MAK: variants seen among roughly 807,000 people sequenced by gnomAD.
MAK encodes male germ cell associated kinase, also known as serine/threonine-protein kinase MAK.
In MAK, 65 loss-of-function variants were observed where a neutral mutation model predicts 82.6. The ratio of observed to expected loss-of-function variants is 0.79; its 90% CI spans 0.64 to 0.97. The LOEUF is 0.97. Among genes scored for constraint, MAK ranks in the 50% least tolerant of loss-of-function variants. MAK has a pLI of 0.00. For missense variants in MAK, 703 were observed against 780.2 expected (o/e 0.90, Z 1.18); for synonymous variants, 250 against 274.2 (o/e 0.91, Z 0.87).
intron 11 of MAK, among the ~76,000 whole-genome samples, chr6:10,783,234 A>G (rs147347444): frequency 2.6e-4 from 40 of 152,294 alleles, no homozygotes; most frequent in African/African-American, 9.6e-4. Flanking sequence ...GATTAAATTG[A>G]ATTGAAACAT....
Position 10,764,471 on chromosome 6 carries a change from T to A in MAK, c.1928A>T (p.Lys643Met). ...SVHGRTDWVA[K>M]YGGHR Reference sequence around the variant, plus strand: ...AGACTCCTACCGGTGGCCTCCATACTTGGCCACCCAGTCTGTCCTCCCATG... The same window carrying A: ...AGACTCCTACCGGTGGCCTCCATACATGGCCACCCAGTCTGTCCTCCCATG... Residue 643 changes from lysine to methionine, a missense_variant, in exon 15 of 15, where the codon AAG becomes ATG. Transcript: ENST00000354489. 1 of 1,614,094 alleles carries A rather than the reference T, an allele frequency of 6.2e-7. No individual in the cohort carries two copies. The highest frequency in any genetic ancestry group is 8.5e-7 in the Non-Finnish European group (1 of 1,179,982).
intron 5 of MAK, among the ~76,000 whole-genome samples, chr6:10,809,606 T>G (rs1409204883): frequency 2.6e-5 from 4 of 152,188 alleles, no homozygotes; most frequent in African/African-American, 9.7e-5. Flanking sequence ...ATCACTTGTT[T>G]AAAAAGTCCA....
intron 10 of MAK, among the ~76,000 whole-genome samples, chr6:10,789,913 C>T (rs1465539664): frequency 6.6e-6 from 1 of 152,168 alleles, no homozygotes; most frequent in Non-Finnish European, 1.5e-5. Flanking sequence ...ACCTCAGCCT[C>T]CCAAAGTGCT....
chr6:10,765,107 A>G (rs2127501921), intron 14 of MAK, among the ~76,000 whole-genome samples: 1 of 152,250 alleles, frequency 6.6e-6, no homozygotes, highest in East Asian at 1.9e-4. Flanking sequence ...AAAAAAAAAA[A>G]AAAAGAATTT....
chr6:10,817,017 T>C (rs930437949), intron 4 of MAK, among the ~76,000 whole-genome samples: 4 of 152,150 alleles, frequency 2.6e-5, no homozygotes, highest in Non-Finnish European at 4.4e-5. Flanking sequence ...TTGACATTAA[T>C]GTTATGATGA....
Position 10,821,345 on chromosome 6 carries a change from G to A in MAK, c.102-2405C>T, listed in dbSNP as rs566336599. On this transcript the variant is annotated intron_variant, in intron 2 of 14. Coordinates refer to ENST00000354489, the MANE Select transcript of MAK (RefSeq NM_001242957.3). ...GGCTGGACTGCAATGGCGTGATCTCGGCTCACTGTTACCTCTGTCTCCCAG... is the reference window on the plus strand; with the variant it reads ...GGCTGGACTGCAATGGCGTGATCTCAGCTCACTGTTACCTCTGTCTCCCAG... Among the ~76,000 whole-genome samples, 27 of 152,134 alleles carry A rather than the reference G, an allele frequency of 1.8e-4. No homozygotes were observed. The South Asian group carries it at 4.8e-3, about 27-fold the overall frequency.
intron 8 of MAK, among the ~76,000 whole-genome samples, chr6:10,796,518 A>G (rs940550524): frequency 5.9e-5 from 9 of 152,218 alleles, no homozygotes; most frequent in Admixed American, 2.0e-4. Flanking sequence ...TTAAAAAATT[A>G]AAAGTGGCTG....
intron 1 of MAK, among the ~76,000 whole-genome samples, chr6:10,832,219 C>T (rs1778865027): frequency 6.6e-6 from 1 of 152,244 alleles, no homozygotes; most frequent in African/African-American, 2.4e-5. Context: ...CTCCTGGCCT[C>T]AGCGATCCGC....
In MAK at chr6:10,773,073, A is replaced by G; in HGVS notation, c.1633T>C (p.Cys545Arg). 6.5e-7 allele frequency: 1 copy of G among 1,531,532 alleles called. No individual in the cohort carries two copies. The highest frequency in any genetic ancestry group is 2.4e-5 in the East Asian group (1 of 40,846). 94.9% of individuals were successfully genotyped at this position (1,531,532 alleles called of 1,614,324 possible). ...SIIKPIEKLS[C>R]NETFPEKLED... The stretch of plus-strand genomic sequence containing the variant: ...AATTTTTCAGGAAAAGTTTCATTGC[A>G]TGATAGTTTTTCGATTGGTTTAATT... Residue 545 changes from cysteine (C) to arginine (R), a missense_variant, in exon 13 of 15, where the codon TGC (cysteine) becomes CGC (arginine). Transcript: ENST00000354489.
At chr6:10,765,846 A>G (rs1772383688) in intron 14 of MAK, among the ~76,000 whole-genome samples, 1 of 152,176 alleles carries the variant, frequency 6.6e-6, no homozygotes, top group African/African-American at 2.4e-5. Flanking sequence ...AAATGGTAGG[A>G]TCCTAAACTT....
rs546568347 is a variant in MAK at position 10,830,824 on chromosome 6, A to G, written c.-176T>C. ...CCCCAAGATTACAGAGGTTCATGAG[A>G]TATAGCATGAAGGAATCGGGCAAGG... On this transcript the variant is annotated 5_prime_UTR_variant, in exon 2 of 15. Transcript: ENST00000354489. 1 of 659,294 alleles carries G rather than the reference A, an allele frequency of 1.5e-6. No individual in the cohort carries two copies. Among genetic ancestry groups the G allele is most frequent in the East Asian group, 2.8e-5 (1 of 35,442 alleles). The allele number at this position is 659,294 out of a possible 1,614,324, so 40.8% of individuals were successfully genotyped here. A position where few individuals can be genotyped will look rare whatever the true frequency, so the allele number is the denominator to read the frequency against.
At chr6:10,834,290 C>T (rs1779009096) in intron 1 of MAK, among the ~76,000 whole-genome samples, 1 of 152,142 alleles carries the variant, frequency 6.6e-6, no homozygotes, top group Non-Finnish European at 1.5e-5. Flanking sequence ...CCATCATGTT[C>T]CTTATGACAG....
chr6:10,787,694 TA>T (rs761589139), intron 10 of MAK, among the ~76,000 whole-genome samples: 2 of 151,098 alleles, frequency 1.3e-5, no homozygotes, highest in Non-Finnish European at 3.0e-5. Flanking sequence ...CTGTCTCTAC[TA>T]AAAAAAATAC....
At chr6:10,816,006 G>A (rs954878574) in intron 4 of MAK, among the ~76,000 whole-genome samples, 4 of 149,058 alleles carry the variant, frequency 2.7e-5, no homozygotes, top group African/African-American at 1.0e-4. Context: ...CTGCAGTGCA[G>A]TGGTGCAATC....
chr6:10,794,259 A>G (rs1243826732), intron 9 of MAK, among the ~76,000 whole-genome samples: 1 of 152,160 alleles, frequency 6.6e-6, no homozygotes, highest in Non-Finnish European at 1.5e-5. Context: ...GTGGTTTACA[A>G]GTCATGTGGG....
chr6:10,834,055 C>A (rs1034621206), intron 1 of MAK, among the ~76,000 whole-genome samples: 1 of 152,080 alleles, frequency 6.6e-6, no homozygotes, highest in African/African-American at 2.4e-5. Context: ...TTGTTTTGTA[C>A]TACGTTAAAC....
At chr6:10,795,730 G>T (rs1775489337) in intron 9 of MAK, among the ~76,000 whole-genome samples, 1 of 152,136 alleles carries the variant, frequency 6.6e-6, no homozygotes, top group Admixed American at 6.6e-5. Context: ...GGCAACAAAA[G>T]CGAACCTCCG....
chr6:10,814,680 G>A (rs1466249673), intron 4 of MAK, among the ~76,000 whole-genome samples: 4 of 150,678 alleles, frequency 2.7e-5, no homozygotes, highest in Non-Finnish European at 4.4e-5. Context: ...AAAAAAAAGC[G>A]GGGGGGAAAT....
chr6:10,811,997 C>T (rs1776971054), intron 5 of MAK, among the ~76,000 whole-genome samples: 2 of 151,986 alleles, frequency 1.3e-5, no homozygotes, highest in African/African-American at 4.8e-5. Flanking sequence ...TCCAGGAGTT[C>T]AAGACCAGCC....
Sources: allele counts gnomAD v4.1 joint callset (sites outside exome capture counted in the v4.1 genomes callset), GRCh38; gene constraint gnomAD v4.1.1; transcripts MANE v1.5; gene names NCBI Gene and HGNC (gene_info 2026-07-23, HGNC 2026-07-21).